The following INPP5D variants were observed in gnomAD, a reference collection of about 807,000 sequenced individuals.
The protein encoded by INPP5D is inositol polyphosphate-5-phosphatase D, also known as phosphatidylinositol 3,4,5-trisphosphate 5-phosphatase 1.
In INPP5D, 33 loss-of-function variants were observed where a neutral mutation model predicts 122.9. The ratio of observed to expected loss-of-function variants is 0.27; its 90% confidence interval spans 0.20 to 0.36. The LOEUF (loss-of-function observed/expected upper bound fraction) is 0.36. Ranked by LOEUF, INPP5D falls within the 10% of genes least tolerant of loss-of-function variation. INPP5D has a pLI of 1.00. For synonymous variants in INPP5D, 584 were observed against 576.2 expected (o/e 1.01, Z -0.19); for missense variants, 1,053 against 1,412.7 (o/e 0.75, Z 4.08).
At chr2:233,181,141 C>T (rs550634342) in intron 18 of INPP5D, among the ~76,000 whole-genome samples, 2 of 152,200 alleles carry the variant, frequency 1.3e-5, no homozygotes, top group African/African-American at 4.8e-5. Flanking sequence ...TCTCTCCTGT[C>T]CCTTTCTCTG....
chr2:233,204,406 T>C lies in INPP5D; in HGVS notation c.3256T>C (p.Phe1086Leu), dbSNP rs1162597743. 1.2e-6 allele frequency: 2 copies of C among 1,610,546 alleles called. No individual in the cohort carries two copies. The highest frequency in any genetic ancestry group is 2.2e-5 in the South Asian group (2 of 90,870). ...GGTGCCCGCGCCCCGGCTGCGCTCC[T>C]TCACGTGCTCATCCTCTGCCGAGGG... ...KQVPAPRLRS[F>L]TCSSSAEGRA... The change falls in exon 26 of 27, where the codon TTC (phenylalanine) becomes CTC (leucine). Residue 1086 changes from phenylalanine (F) to leucine (L), a missense_variant. By Grantham distance (22) the Phe-to-Leu change is conservative. Transcript: ENST00000445964.
At chr2:233,098,907 C>T (rs1052726945) in intron 2 of INPP5D, among the ~76,000 whole-genome samples, 2 of 146,674 alleles carry the variant, frequency 1.4e-5, no homozygotes, top group Non-Finnish European at 3.0e-5. Flanking sequence ...TTCACATGTG[C>T]TCCTGCTAAG....
intron 2 of INPP5D, among the ~76,000 whole-genome samples, chr2:233,112,521 C>A (rs1692660436): frequency 2.6e-5 from 4 of 152,286 alleles, no homozygotes; most frequent in Middle Eastern, 3.4e-3. Context: ...TCAAGGAGCA[C>A]TGGCTATCTT....
Position 233,105,880 on chromosome 2 carries a change from G to C in INPP5D, c.199-16227G>C, listed in dbSNP as rs1271211331. Reference sequence around the variant, plus strand: ...ATGGTGGGGTCCAAAGAGGCCCGAAGGCCTGCACAGGGGATGAGATGAAGG... The same window carrying C: ...ATGGTGGGGTCCAAAGAGGCCCGAACGCCTGCACAGGGGATGAGATGAAGG... On this transcript the variant is annotated intron_variant, in intron 2 of 26. Transcript: ENST00000445964. This position sits in a 1 kb window ranked among gnomAD's most constrained non-coding sequence, Gnocchi z 4.0. Among the ~76,000 whole-genome samples the C allele has an allele frequency of 6.6e-6, 1 of 152,180 alleles. No homozygotes were observed. The highest frequency in any genetic ancestry group is 1.9e-4 in the East Asian group (1 of 5,192).
rs61752228 is a variant in INPP5D, at chr2:233,204,179, C to T, written c.3029C>T (p.Pro1010Leu). The T allele has an allele frequency of 3.7e-5, 60 of 1,605,838 alleles. No individual in the cohort carries two copies. In the South Asian group the frequency reaches 3.8e-4, roughly 10 times the overall value. ...AGDTLPQEDL[P>L]LTKPEMFENP... ...GACACGCTGCCTCAGGAGGACCTGC[C>T]GCTGACGAAGCCCGAGATGTTTGAG... The change falls in exon 26 of 27, where the codon CCG (proline) becomes CTG (leucine). Residue 1010 changes from proline to leucine, a missense_variant. Transcript: ENST00000445964.
chr2:233,204,804 G>A (rs1252945185), intron 26 of INPP5D, 87 bp downstream of exon 26: 2 of 1,426,254 alleles, frequency 1.4e-6, no homozygotes, highest in Non-Finnish European at 1.8e-6. Context: ...ATATGTGTGT[G>A]CATGTGTGTG....
Position 233,206,907 on chromosome 2 carries a change from A to G in INPP5D, c.*199A>G, listed in dbSNP as rs200055445. On this transcript the variant is annotated 3_prime_UTR_variant, in exon 27 of 27. Coordinates refer to ENST00000445964, the MANE Select transcript of INPP5D (RefSeq NM_001017915.3). This position sits in a 1 kb window ranked among gnomAD's most constrained non-coding sequence, Gnocchi z 4.0. ...CTTAGCACCAAGTGCTGAGGCTGGA[A>G]GAAAAACGCACACCAGACGGGCAAC... 31 of 570,604 alleles carry G rather than the reference A, an allele frequency of 5.4e-5. No individual in the cohort carries two copies. The East Asian group carries it at 8.6e-4, about 16-fold the overall frequency. 35.3% of individuals were successfully genotyped at this position (570,604 alleles called of 1,614,324 possible). A position where few individuals can be genotyped will look rare whatever the true frequency, so the allele number is the denominator to read the frequency against.
chr2:233,159,266 C>T (rs979277310), intron 10 of INPP5D, among the ~76,000 whole-genome samples: 16 of 152,364 alleles, frequency 1.1e-4, no homozygotes, highest in Admixed American at 9.1e-4. Flanking sequence ...GACCCCTCAT[C>T]TCAGAAATTT....
rs187640273 is a variant in INPP5D, at chr2:233,167,913, G to A, written c.1556-1392G>A. Among the ~76,000 whole-genome samples, 533 of 150,312 alleles carry A rather than the reference G, an allele frequency of 3.5e-3. 2 individuals carry two copies. The highest frequency in any genetic ancestry group is 4.1e-3 in the Admixed American group (62 of 14,982). On this transcript the variant is annotated intron_variant, in intron 13 of 26. Transcript: ENST00000445964. ...CCAGCTACTCCTGAGGCAGAGACAGGAGAATTGCTTGAACCTGGGAGACGG... is the reference window on the plus strand; with the variant it reads ...CCAGCTACTCCTGAGGCAGAGACAGAAGAATTGCTTGAACCTGGGAGACGG...
At chr2:233,068,344 C>T (rs1691283807) in intron 1 of INPP5D, among the ~76,000 whole-genome samples, 1 of 149,990 alleles carries the variant, frequency 6.7e-6, no homozygotes, top group Non-Finnish European at 1.5e-5. Flanking sequence ...CCTGTAATCC[C>T]AGTACTTTGG....
At chr2:233,129,884 T>TTGTGTGTG (rs140392015) in intron 4 of INPP5D, among the ~76,000 whole-genome samples, 69 of 149,832 alleles carry the variant, frequency 4.6e-4, no homozygotes, top group East Asian at 1.8e-3. Context: ...TGGCCTCCTT[T>TTGTGTGTG]TGTGTGTGTG....
chr2:233,153,251 A>G (rs1361226430), intron 9 of INPP5D, among the ~76,000 whole-genome samples: 1 of 152,232 alleles, frequency 6.6e-6, no homozygotes, highest in Non-Finnish European at 1.5e-5. Flanking sequence ...GGAAGGAGAC[A>G]TGGCCTGATC....
chr2:233,156,436 C>G (rs1467686543), intron 9 of INPP5D, among the ~76,000 whole-genome samples: 1 of 152,182 alleles, frequency 6.6e-6, no homozygotes, highest in Non-Finnish European at 1.5e-5. Flanking sequence ...ACTACAGGTG[C>G]CCGCCACCAC....
At position 233,090,453 on chromosome 2, in the gene INPP5D, C is replaced by T. The variant is rs192640448; in HGVS notation, c.198+11055C>T. On this transcript the variant is annotated intron_variant, in intron 2 of 26. Transcript: ENST00000445964. The stretch of plus-strand genomic sequence containing the variant: ...TCAGGATGCCCAACCCATCTCCCCC[C>T]CATATTTATGCCCTTCATGACTGGC... Among the ~76,000 whole-genome samples, 86 of 152,258 alleles carry T rather than the reference C, an allele frequency of 5.6e-4. 1 individual carries two copies. The highest frequency in any genetic ancestry group is 1.4e-3 in the Admixed American group (22 of 15,300).
At chr2:233,090,967 A>C (rs1355913267) in intron 2 of INPP5D, among the ~76,000 whole-genome samples, 1 of 152,084 alleles carries the variant, frequency 6.6e-6, no homozygotes, top group South Asian at 2.1e-4. Context: ...TCAAAGAAAA[A>C]AAAAAAAAAA....
At position 233,105,646 on chromosome 2, in the gene INPP5D, A is replaced by G. The variant is rs559685289; in HGVS notation, c.199-16461A>G. Among the ~76,000 whole-genome samples the G allele has an allele frequency of 3.3e-4, 50 of 152,296 alleles. No individual in the cohort carries two copies. Among genetic ancestry groups the G allele is most frequent in the Middle Eastern group, 6.8e-3 (2 of 294 alleles). On this transcript the variant is annotated intron_variant, in intron 2 of 26. Coordinates refer to ENST00000445964, the MANE Select transcript of INPP5D (RefSeq NM_001017915.3). The surrounding 1 kb of genome is among the most constrained non-coding windows in gnomAD (Gnocchi z 4.0). ...GAGGGGAAGGGAAGGGTAAGAGGGT[A>G]GTGACCGCAAGCGGGCCGCCTGCTG... is the stretch of plus-strand genomic sequence containing the variant.
intron 2 of INPP5D, among the ~76,000 whole-genome samples, chr2:233,106,362 C>T (rs979619611): frequency 3.9e-5 from 6 of 152,212 alleles, no homozygotes; most frequent in Non-Finnish European, 8.8e-5. Context: ...TGGAGTTTTC[C>T]TGGCCATCCT....
At position 233,164,166 on chromosome 2, in the gene INPP5D, G is replaced by C; in HGVS notation, c.1438-141G>C. 7.0e-7 allele frequency: 1 copy of C among 1,423,204 alleles called. No individual in the cohort carries two copies. Among genetic ancestry groups the C allele is most frequent in the Non-Finnish European group, 9.2e-7 (1 of 1,085,842 alleles). 88.2% of individuals were successfully genotyped at this position (1,423,204 alleles called of 1,614,324 possible). On this transcript the variant is annotated intron_variant, in intron 12 of 26. Transcript: ENST00000445964. This position sits in a 1 kb window ranked among gnomAD's most constrained non-coding sequence, Gnocchi z 4.3. ...TGTTTTGTCTCGCCTATCAAGCATC[G>C]CTGGGAGTCCCCCGAAGGGTTGGGA...
chr2:233,123,487 A>C (rs188366430), intron 3 of INPP5D, among the ~76,000 whole-genome samples: 2 of 152,118 alleles, frequency 1.3e-5, no homozygotes, highest in Non-Finnish European at 1.5e-5. Context: ...GTCCCTAAAA[A>C]GTGTGTGAGA....
Sources: allele counts gnomAD v4.1 joint callset (sites outside exome capture counted in the v4.1 genomes callset), GRCh38; gene constraint gnomAD v4.1.1; non-coding constraint Gnocchi (gnomAD v3.1); transcripts MANE v1.5; gene names NCBI Gene and HGNC (gene_info 2026-07-23, HGNC 2026-07-21).